The following SERPINI2 variants were observed in gnomAD, a reference collection of about 807,000 sequenced individuals.
The protein encoded by SERPINI2 is serpin family I member 2.
SERPINI2 carries 48 observed loss-of-function variants against 47.3 expected under a neutral mutation model. The observed-to-expected ratio is 1.02, with a 90% CI of 0.81 to 1.29. The LOEUF (loss-of-function observed/expected upper bound fraction) is 1.29, where lower values mean the gene tolerates loss of function less well. SERPINI2 is among the 50% of genes most tolerant of loss of function. The pLI is 0.00. For synonymous variants in SERPINI2, 135 were observed against 149.3 expected (o/e 0.90, Z 0.70); for missense variants, 448 against 456.9 (o/e 0.98, Z 0.18).
chr3:167,470,384 G>A (rs1328165623), intron 2 of SERPINI2, among the ~76,000 whole-genome samples: 3 of 151,940 alleles, frequency 2.0e-5, no homozygotes, highest in African/African-American at 7.3e-5. Flanking sequence ...TCTAAATACT[G>A]CTACTCTGTG....
intron 3 of SERPINI2, among the ~76,000 whole-genome samples, chr3:167,466,047 ATAAG>A (rs1221684175): frequency 6.6e-6 from 1 of 152,186 alleles, no homozygotes; most frequent in Non-Finnish European, 1.5e-5. Context: ...GTCAGTCATC[ATAAG>A]TAAGTTAATG....
At chr3:167,445,237 T>C (rs945047929) in intron 8 of SERPINI2, among the ~76,000 whole-genome samples, 1 of 152,190 alleles carries the variant, frequency 6.6e-6, no homozygotes, top group African/African-American at 2.4e-5. Flanking sequence ...AATATCAGTA[T>C]CGCTAGTTCA....
At chr3:167,445,568 T>C (rs1193507436) in intron 8 of SERPINI2, among the ~76,000 whole-genome samples, 3 of 152,202 alleles carry the variant, frequency 2.0e-5, no homozygotes, top group East Asian at 1.9e-4. Context: ...CCTCTGTCTA[T>C]AGGGAAACTG....
At chr3:167,449,229 A>G (rs1159721662) in intron 7 of SERPINI2, 87 bp downstream of exon 7, 2 of 881,682 alleles carry the variant, frequency 2.3e-6, no homozygotes, top group Non-Finnish European at 1.9e-6. Context: ...GAAAAAGAAG[A>G]GTACAATACT....
chr3:167,446,808 G>A (rs963937547), intron 7 of SERPINI2: 1 of 164,052 alleles, frequency 6.1e-6, no homozygotes, highest in Non-Finnish European at 1.3e-5. Context: ...CTTTTTATTT[G>A]CATTATATGA....
intron 1 of SERPINI2, 180 bp downstream of exon 1, chr3:167,473,823 A>C: frequency 2.1e-6 from 3 of 1,399,804 alleles, no homozygotes; most frequent in Non-Finnish European, 2.8e-6. Flanking sequence ...TAAGAACTGG[A>C]TCTTCTGATT....
chr3:167,474,721 C>T (rs1346193222), upstream of SERPINI2, among the ~76,000 whole-genome samples: 1 of 151,680 alleles, frequency 6.6e-6, no homozygotes, highest in Non-Finnish European at 1.5e-5. Flanking sequence ...TTTTGAAACT[C>T]TACATGATTT....
At chr3:167,446,510 A>T in intron 7 of SERPINI2, 29 bp from the exon 8 acceptor site, 1 of 1,353,870 alleles carries the variant, frequency 7.4e-7, no homozygotes, top group Admixed American at 2.0e-5. Context: ...AGTTATTTAG[A>T]TACTTGCATT....
chr3:167,458,613 G>C (rs1195987364), intron 5 of SERPINI2, among the ~76,000 whole-genome samples: 1 of 152,018 alleles, frequency 6.6e-6, no homozygotes, highest in African/African-American at 2.4e-5. Flanking sequence ...TTATCAATAG[G>C]TGGTAACCAT....
intron 7 of SERPINI2, chr3:167,446,986 A>AT (rs1489280508): frequency 1.3e-5 from 2 of 152,058 alleles, no homozygotes; most frequent in Admixed American, 1.3e-4. Flanking sequence ...TGTGTGTGAG[A>AT]TTTTTATTAT....
intron 8 of SERPINI2, 94 bp from the exon 9 acceptor site, chr3:167,442,279 G>A (rs111992839): frequency 2.9e-5 from 26 of 885,652 alleles, no homozygotes; most frequent in Middle Eastern, 3.5e-4. Flanking sequence ...CATGTCATTT[G>A]GTCTTTTTTC....
chr3:167,473,437 T>C (rs1750394058), intron 1 of SERPINI2, among the ~76,000 whole-genome samples: 1 of 151,602 alleles, frequency 6.6e-6, no homozygotes, highest in South Asian at 2.1e-4. Context: ...CTGACCAAAA[T>C]ATGTGTTTGT....
At chr3:167,461,820 T>G (rs1403704266) in intron 5 of SERPINI2, among the ~76,000 whole-genome samples, 1 of 152,146 alleles carries the variant, frequency 6.6e-6, no homozygotes, top group Non-Finnish European at 1.5e-5. Flanking sequence ...GGGTCTTTCT[T>G]TGTTGCTCCT....
intron 6 of SERPINI2, among the ~76,000 whole-genome samples, chr3:167,451,464 G>T (rs569032515): frequency 1.1e-4 from 16 of 152,318 alleles, no homozygotes; most frequent in African/African-American, 3.9e-4. Context: ...AGATAGCAGA[G>T]AATTTACTGT....
chr3:167,465,822 G>C (rs1750118149), intron 3 of SERPINI2, 149 bp from the exon 4 acceptor site: 1 of 624,528 alleles, frequency 1.6e-6, no homozygotes, highest in Admixed American at 3.3e-5. Flanking sequence ...TTTGAGAATA[G>C]ACGGGATTGC....
intron 8 of SERPINI2, among the ~76,000 whole-genome samples, chr3:167,445,712 AC>A (rs1267331956): frequency 6.6e-6 from 1 of 152,192 alleles, no homozygotes; most frequent in East Asian, 1.9e-4. Context: ...CATAAACTTG[AC>A]AATTTTCCCA....
chr3:167,454,212 A>G (rs1206772573), intron 5 of SERPINI2, among the ~76,000 whole-genome samples: 2 of 152,238 alleles, frequency 1.3e-5, no homozygotes, highest in African/African-American at 4.8e-5. Flanking sequence ...TTTTAATTGG[A>G]AATACTGAAT....
At chr3:167,468,931 A>T (rs1750229457) in intron 2 of SERPINI2, among the ~76,000 whole-genome samples, 1 of 152,248 alleles carries the variant, frequency 6.6e-6, no homozygotes, top group Non-Finnish European at 1.5e-5. Context: ...GAATAAAAAA[A>T]GAGAGAAAGG....
upstream of SERPINI2, among the ~76,000 whole-genome samples, chr3:167,474,314 A>T (rs1750430538): frequency 6.6e-6 from 1 of 151,760 alleles, no homozygotes. Context: ...ACAGAATTTG[A>T]AAGGATGCGC....
Sources: gnomAD v4.1 joint callset for allele counts (sites outside exome capture counted in the v4.1 genomes callset) on GRCh38, gnomAD v4.1.1 for gene constraint, MANE v1.5 for transcripts, NCBI Gene and HGNC (gene_info 2026-07-23, HGNC 2026-07-21) for gene names.